SPI1: variants seen among roughly 807,000 people sequenced by gnomAD.
SPI1 encodes the protein Spi-1 proto-oncogene, also known as transcription factor PU.1.
Under a neutral mutation model 30.7 loss-of-function variants are expected in SPI1, and 3 were observed. The ratio of observed to expected loss-of-function variants is 0.10; its 90% CI spans 0.04 to 0.25. SPI1 has a LOEUF of 0.25. SPI1 is among the 10% of genes least tolerant of loss of function. The pLI is 1.00. For synonymous variants in SPI1, 169 were observed against 157.1 expected, an observed-to-expected ratio of 1.08 and a Z score of -0.56; for missense variants, 261 against 371.5, an observed-to-expected ratio of 0.70 and a Z score of 2.45.
intron 2 of SPI1, among the ~76,000 whole-genome samples, chr11:47,368,955 A>G (rs1246361306): frequency 6.6e-6 from 1 of 152,230 alleles, no homozygotes; most frequent in East Asian, 1.9e-4. Flanking sequence ...ACAATTAAAA[A>G]GAGTAATAGG....
chr11:47,376,568 C>T (rs1174319524), intron 1 of SPI1, among the ~76,000 whole-genome samples: 11 of 151,824 alleles, frequency 7.2e-5, no homozygotes, highest in Non-Finnish European at 7.4e-5. Context: ...TCCCCCTCCC[C>T]GTCTCCTTTG....
intron 4 of SPI1, among the ~76,000 whole-genome samples, chr11:47,357,877 T>C (rs1434689757): frequency 6.6e-6 from 1 of 151,342 alleles, no homozygotes; most frequent in Admixed American, 6.6e-5. Flanking sequence ...CTCACACCCA[T>C]TCATGCTCAC....
rs1246203109 is a variant in SPI1, at chr11:47,355,488, G to A, written c.552C>T (p.Asp184=). 1.2e-6 allele frequency: 2 copies of A among 1,612,394 alleles called. No homozygotes were observed. The highest frequency in any genetic ancestry group is 2.7e-5 in the African/African-American group (2 of 74,768). The part of the protein sequence containing the change: ...QFLLDLLRSG[D]MKDSIWWVDK... ...CCACCCACCAGATGCTGTCCTTCATGTCGCCGCTGCGGAGCAGGTCCAACA... is the reference window on the plus strand; with the variant it reads ...CCACCCACCAGATGCTGTCCTTCATATCGCCGCTGCGGAGCAGGTCCAACA... Residue 184 remains aspartate (D), a synonymous_variant, in exon 5 of 5, where the codon GAC becomes GAT. Transcript: ENST00000378538.
intron 2 of SPI1, among the ~76,000 whole-genome samples, chr11:47,373,459 C>A (rs994186618): frequency 1.3e-5 from 2 of 151,920 alleles, no homozygotes; most frequent in African/African-American, 4.8e-5. Context: ...AGCAGCCTGG[C>A]CAACATGGTA....
At chr11:47,357,038 CACTT>C (rs1054549404) in intron 4 of SPI1, among the ~76,000 whole-genome samples, 10 of 151,936 alleles carry the variant, frequency 6.6e-5, no homozygotes, top group South Asian at 4.2e-4. Context: ...GTCTCACACA[CACTT>C]ATGCTTACAA....
chr11:47,358,189 A>G (rs901590449), intron 4 of SPI1: 11 of 256,940 alleles, frequency 4.3e-5, no homozygotes, highest in Non-Finnish European at 5.4e-5. Flanking sequence ...ACACACACCT[A>G]TGCCCATTCA....
intron 2 of SPI1, among the ~76,000 whole-genome samples, chr11:47,364,013 A>G (rs914491261): frequency 6.7e-6 from 1 of 148,646 alleles, no homozygotes; most frequent in Non-Finnish European, 1.5e-5. Flanking sequence ...CTGCAAAATT[A>G]TCTAAACCTG....
chr11:47,356,828 C>T (rs1456906883), intron 4 of SPI1, among the ~76,000 whole-genome samples: 4 of 150,038 alleles, frequency 2.7e-5, no homozygotes, highest in East Asian at 4.0e-4. Flanking sequence ...ACACATCTCA[C>T]GTTACTCAGC....
At chr11:47,356,631 G>GCACAAACACACCTGCTTA (rs956885782) in intron 4 of SPI1, among the ~76,000 whole-genome samples, 5 of 150,612 alleles carry the variant, frequency 3.3e-5, no homozygotes, top group Non-Finnish European at 7.4e-5. Flanking sequence ...ACACATGCTT[G>GCACAAACACACCTGCTTA]CACAAACACA....
In SPI1 at chr11:47,355,551, G is replaced by C. The variant is rs550256264; in HGVS notation, c.494-5C>G. The C allele has an allele frequency of 2.8e-4, 434 of 1,543,286 alleles. 4 individuals carry two copies. Among genetic ancestry groups the C allele is most frequent in the South Asian group, 2.0e-3 (169 of 82,708 alleles). ...GGCGGATCTTCTTCTTGCTGCCTGC[G>C]GGGGGGAGGGCCCGGTGGGAGGGGG... On this transcript the variant is annotated splice_region_variant and splice_polypyrimidine_tract_variant and intron_variant, in intron 4 of 4. Coordinates refer to ENST00000378538, the MANE Select transcript of SPI1 (RefSeq NM_003120.3).
intron 2 of SPI1, among the ~76,000 whole-genome samples, chr11:47,364,178 T>C (rs1254396679): frequency 6.6e-6 from 1 of 151,018 alleles, no homozygotes; most frequent in South Asian, 2.1e-4. Context: ...GCCTCCCGAG[T>C]AGCTGGGACT....
At chr11:47,373,992 G>A (rs949648717) in intron 2 of SPI1, among the ~76,000 whole-genome samples, 2 of 152,250 alleles carry the variant, frequency 1.3e-5, no homozygotes, top group African/African-American at 2.4e-5. Flanking sequence ...CAAAGGAAAC[G>A]CACCCAAGCC....
chr11:47,357,506 A>G (rs1203542129), intron 4 of SPI1, among the ~76,000 whole-genome samples: 2 of 147,792 alleles, frequency 1.4e-5, no homozygotes, highest in South Asian at 2.3e-4. Context: ...TCTCACATCC[A>G]CTCACAGCAG....
At chr11:47,377,596 G>T (rs1279893808) in intron 1 of SPI1, among the ~76,000 whole-genome samples, 2 of 151,644 alleles carry the variant, frequency 1.3e-5, no homozygotes, top group African/African-American at 2.4e-5. Context: ...CTTATCACAT[G>T]CTCACCCCAG....
rs564328271 is a variant in SPI1, at chr11:47,362,020, A to C, written c.143-1980T>G. Among the ~76,000 whole-genome samples, 5 of 152,290 alleles carry C rather than the reference A, an allele frequency of 3.3e-5. No homozygotes were observed. In the South Asian group the frequency reaches 1.0e-3, roughly 32 times the overall value. Reference sequence around the variant, plus strand: ...AAGCCACATGGCAGAGAGGAGAGAAAGGCAGAGCTGGGCTCAAGTTCTGGC... The same window carrying C: ...AAGCCACATGGCAGAGAGGAGAGAACGGCAGAGCTGGGCTCAAGTTCTGGC... On this transcript the variant is annotated intron_variant, in intron 2 of 4. Transcript: ENST00000378538.
At chr11:47,362,708 T>G (rs934859585) in intron 2 of SPI1, among the ~76,000 whole-genome samples, 3 of 151,448 alleles carry the variant, frequency 2.0e-5, no homozygotes, top group Admixed American at 6.6e-5. Context: ...CCCAAGTAGC[T>G]GGTAATACAG....
intron 1 of SPI1, among the ~76,000 whole-genome samples, chr11:47,378,040 G>A (rs929467968): frequency 1.3e-5 from 2 of 152,092 alleles, no homozygotes; most frequent in African/African-American, 4.8e-5. Context: ...CCCGGCCTCC[G>A]CCTGCCACCC....
chr11:47,367,672 A>G (rs35996350), intron 2 of SPI1, among the ~76,000 whole-genome samples: 45,486 of 150,910 alleles, frequency 0.3, 7,107 homozygotes, highest in Middle Eastern at 0.4. Flanking sequence ...GAAGGTGCAG[A>G]AAAATTAGGA....
intron 2 of SPI1, among the ~76,000 whole-genome samples, chr11:47,369,563 A>AG (rs2095932908): frequency 6.6e-6 from 1 of 151,502 alleles, no homozygotes; most frequent in Non-Finnish European, 1.5e-5. Context: ...AGAGAGAGAA[A>AG]AAAAAAAAAC....
Sources: gnomAD v4.1 joint callset for allele counts (sites outside exome capture counted in the v4.1 genomes callset) on GRCh38, gnomAD v4.1.1 for gene constraint, MANE v1.5 for transcripts, NCBI Gene and HGNC (gene_info 2026-07-23, HGNC 2026-07-21) for gene names.